GRID1: variants seen among roughly 807,000 people sequenced by gnomAD.
GRID1 encodes the protein glutamate ionotropic receptor delta type subunit 1.
GRID1 carries 28 observed loss-of-function variants against 98.0 expected under a neutral mutation model. The ratio of observed to expected loss-of-function variants is 0.29; its 90% CI spans 0.21 to 0.39. The LOEUF is 0.39. Ranked by LOEUF, GRID1 falls within the 10% of genes least tolerant of loss-of-function variation. GRID1 has a pLI of 1.00. For missense variants in GRID1, 1,111 were observed against 1,340.5 expected (o/e 0.83, Z 2.67); for synonymous variants, 553 against 538.5 (o/e 1.03, Z -0.37).
chr10:86,229,929 G>A (rs186556358), intron 2 of GRID1, among the ~76,000 whole-genome samples: 96 of 152,252 alleles, frequency 6.3e-4, no homozygotes, highest in African/African-American at 2.1e-3. Flanking sequence ...CCACCATATG[G>A]CCACACCTGT....
intron 2 of GRID1, among the ~76,000 whole-genome samples, chr10:86,244,970 A>T (rs1466319754): frequency 6.6e-6 from 1 of 152,234 alleles, no homozygotes; most frequent in Non-Finnish European, 1.5e-5. Context: ...AACACCCCAA[A>T]TTAAAAGGAG....
chr10:85,848,450 C>G (rs551219730), intron 8 of GRID1, among the ~76,000 whole-genome samples: 1 of 151,970 alleles, frequency 6.6e-6, no homozygotes, highest in South Asian at 2.1e-4. Context: ...AATGTATTTC[C>G]ACTGAAAAAA....
intron 4 of GRID1, among the ~76,000 whole-genome samples, chr10:85,990,390 G>C (rs1436410257): frequency 6.6e-6 from 1 of 152,200 alleles, no homozygotes; most frequent in Admixed American, 6.5e-5. Flanking sequence ...GGGGGAATAA[G>C]TGTGATCAAG....
intron 4 of GRID1, among the ~76,000 whole-genome samples, chr10:86,133,013 T>C (rs1330372136): frequency 6.6e-6 from 1 of 152,246 alleles, no homozygotes; most frequent in Non-Finnish European, 1.5e-5. Context: ...CTGCTGTTCT[T>C]TCTCCTGTTC....
chr10:86,034,597 C>G (rs1469409639), intron 4 of GRID1, among the ~76,000 whole-genome samples: 1 of 151,894 alleles, frequency 6.6e-6, no homozygotes, highest in Non-Finnish European at 1.5e-5. Flanking sequence ...CACACTGCTT[C>G]CCGGGAACCA....
At chr10:86,012,384 T>C (rs764357011) in intron 4 of GRID1, among the ~76,000 whole-genome samples, 17 of 151,950 alleles carry the variant, frequency 1.1e-4, no homozygotes, top group Non-Finnish European at 2.2e-4. Context: ...ACCTAGGTAA[T>C]CGGCAGAGCC....
intron 5 of GRID1, among the ~76,000 whole-genome samples, 172 bp from the exon 6 acceptor site, chr10:85,869,352 TC>T (rs1251628120): frequency 9.9e-5 from 15 of 152,206 alleles, no homozygotes; most frequent in Admixed American, 9.8e-4. Flanking sequence ...ATACTTGCTA[TC>T]CCTTAGAGGC....
intron 4 of GRID1, among the ~76,000 whole-genome samples, chr10:86,047,927 G>A (rs1487758369): frequency 2.6e-5 from 4 of 152,114 alleles, no homozygotes; most frequent in Admixed American, 6.5e-5. Context: ...TTCTCTGGCC[G>A]ACTGAAACTT....
At chr10:86,350,964 C>G (rs948707560) in intron 2 of GRID1, among the ~76,000 whole-genome samples, 1 of 152,240 alleles carries the variant, frequency 6.6e-6, no homozygotes, top group African/African-American at 2.4e-5. Context: ...CCTCCCCAGT[C>G]TCTAGTAACC....
At chr10:86,137,561 G>T (rs1414113389) in intron 4 of GRID1, among the ~76,000 whole-genome samples, 1 of 152,224 alleles carries the variant, frequency 6.6e-6, no homozygotes, top group African/African-American at 2.4e-5. Context: ...TGCAAGAAGA[G>T]CCATCCCCTG....
chr10:86,147,212 C>A (rs1845101353), intron 3 of GRID1, among the ~76,000 whole-genome samples: 1 of 152,212 alleles, frequency 6.6e-6, no homozygotes. Flanking sequence ...ACAGTCATGG[C>A]AGGCCTGGCC....
chr10:86,120,671 G>A (rs537619310), intron 4 of GRID1, among the ~76,000 whole-genome samples: 80 of 152,210 alleles, frequency 5.3e-4, no homozygotes, highest in African/African-American at 1.9e-3. Context: ...CCATTATATG[G>A]CAATGTAATG....
intron 9 of GRID1, among the ~76,000 whole-genome samples, 184 bp from the exon 10 acceptor site, chr10:85,728,236 G>T (rs1262872728): frequency 6.6e-6 from 1 of 152,172 alleles, no homozygotes; most frequent in East Asian, 1.9e-4. Context: ...CAGTGCACAG[G>T]ATGATCACTC....
rs113091419 is a variant in GRID1, at chr10:85,723,935, A to C, written c.1858+417T>G. The stretch of plus-strand genomic sequence containing the variant: ...CATCCAGACCCCTCAGAGGTAGGAG[A>C]ATTTGTACCTCAAGAATGGCTGAAG... On this transcript the variant is annotated intron_variant, in intron 11 of 15. Coordinates refer to ENST00000327946, the MANE Select transcript of GRID1 (RefSeq NM_017551.3). Among the ~76,000 whole-genome samples the C allele has an allele frequency of 2.5e-3, 385 of 152,296 alleles. 1 individual carries two copies. Among genetic ancestry groups the C allele is most frequent in the African/African-American group, 8.6e-3 (359 of 41,568 alleles).
intron 3 of GRID1, among the ~76,000 whole-genome samples, chr10:86,183,034 C>G (rs1037655015): frequency 1.3e-5 from 2 of 152,140 alleles, no homozygotes; most frequent in African/African-American, 4.8e-5. Flanking sequence ...ATTTTTAATG[C>G]ATTTTTGACA....
chr10:86,074,414 T>C (rs1258376944), intron 4 of GRID1, among the ~76,000 whole-genome samples: 1 of 152,212 alleles, frequency 6.6e-6, no homozygotes, highest in Non-Finnish European at 1.5e-5. Context: ...AATGAGAACA[T>C]GTGATATTTG....
At chr10:85,699,180 GT>G (rs967999203) in intron 12 of GRID1, among the ~76,000 whole-genome samples, 5 of 152,112 alleles carry the variant, frequency 3.3e-5, no homozygotes, top group Non-Finnish European at 5.9e-5. Context: ...AGCTTTCCCA[GT>G]AGCTGGAATC....
At chr10:86,325,945 A>G (rs937418783) in intron 2 of GRID1, among the ~76,000 whole-genome samples, 2 of 152,266 alleles carry the variant, frequency 1.3e-5, no homozygotes, top group Admixed American at 6.5e-5. Flanking sequence ...GACAAAATTG[A>G]CATAATTTGT....
chr10:85,720,144 T>C (rs1196658171), intron 12 of GRID1, among the ~76,000 whole-genome samples: 2 of 152,210 alleles, frequency 1.3e-5, no homozygotes, highest in African/African-American at 2.4e-5. Flanking sequence ...CAACTAATTA[T>C]TGAGCTGGGT....
Sources: gnomAD v4.1 joint callset for allele counts (sites outside exome capture counted in the v4.1 genomes callset) on GRCh38, gnomAD v4.1.1 for gene constraint, MANE v1.5 for transcripts, NCBI Gene and HGNC (gene_info 2026-07-23, HGNC 2026-07-21) for gene names.